WDR27: variants seen among roughly 807,000 people sequenced by gnomAD.
WDR27 encodes the protein WD repeat-containing protein 27.
A neutral mutation model predicts 114.4 loss-of-function variants in WDR27; 100 were observed. The observed-to-expected ratio is 0.87, with a 90% CI of 0.74 to 1.03. The LOEUF (loss-of-function observed/expected upper bound fraction) is 1.03. WDR27 is among the 50% of genes least tolerant of loss of function. WDR27 has a pLI of 0.00. For synonymous variants in WDR27, 449 were observed against 423.1 expected (o/e 1.06, Z -0.75); for missense variants, 1,129 against 1,092.9 (o/e 1.03, Z -0.47).
chr6:169,467,917 C>A (rs1271443583), intron 25 of WDR27, among the ~76,000 whole-genome samples: 7 of 152,202 alleles, frequency 4.6e-5, no homozygotes, highest in Non-Finnish European at 1.0e-4. Flanking sequence ...GTTCCAATTC[C>A]AAACCATATC....
chr6:169,623,583 T>A (rs1352706966), intron 21 of WDR27, among the ~76,000 whole-genome samples: 3 of 152,146 alleles, frequency 2.0e-5, no homozygotes, highest in Non-Finnish European at 4.4e-5. Context: ...CCCACTCACA[T>A]GCAGAGACAG....
chr6:169,629,832 C>T (rs1434655357), intron 21 of WDR27, among the ~76,000 whole-genome samples: 1 of 147,642 alleles, frequency 6.8e-6, no homozygotes, highest in African/African-American at 2.5e-5. Context: ...GAGGCTGAGG[C>T]AGGAGTATCG....
chr6:169,646,809 G>A (rs1007959394), intron 16 of WDR27, among the ~76,000 whole-genome samples: 8 of 151,814 alleles, frequency 5.3e-5, no homozygotes, highest in African/African-American at 1.9e-4. Flanking sequence ...TCAAACTTGA[G>A]GGCAGATAAC....
chr6:169,438,010 G>A, the WDR27 span, among the ~76,000 whole-genome samples: 1,345 of 152,182 alleles, frequency 8.8e-3, 12 homozygotes, highest in African/African-American at 0.03. Context: ...CCTGGGTAGT[G>A]AGCATAGTAC....
At chr6:169,699,420 G>C (rs1225418515) in intron 1 of WDR27, among the ~76,000 whole-genome samples, 1 of 152,166 alleles carries the variant, frequency 6.6e-6, no homozygotes, top group Non-Finnish European at 1.5e-5. Context: ...TTGAACAGTA[G>C]ACACAGGAAG....
chr6:169,612,279 C>T (rs989726832), intron 22 of WDR27, among the ~76,000 whole-genome samples: 2 of 151,742 alleles, frequency 1.3e-5, no homozygotes, highest in East Asian at 1.9e-4. Context: ...ATTAGCTGGG[C>T]GTGGTGGCGG....
At chr6:169,470,922 C>T (rs1291594162) in intron 25 of WDR27, among the ~76,000 whole-genome samples, 2 of 152,112 alleles carry the variant, frequency 1.3e-5, no homozygotes, top group Admixed American at 1.3e-4. Flanking sequence ...TAACCCTAAT[C>T]AGCCTCTGAA....
At chr6:169,642,329 GT>G (rs371154613) in intron 17 of WDR27, among the ~76,000 whole-genome samples, 4,325 of 150,766 alleles carry the variant, frequency 0.029, 151 homozygotes, top group African/African-American at 0.085. Context: ...AACAGAGCAA[GT>G]TTTTGTAAAG....
chr6:169,555,307 G>A (rs1326002694), intron 25 of WDR27, among the ~76,000 whole-genome samples: 1 of 152,074 alleles, frequency 6.6e-6, no homozygotes, highest in East Asian at 1.9e-4. Flanking sequence ...AAAAGAGCAA[G>A]TGGGAAAAAC....
the WDR27 span, among the ~76,000 whole-genome samples, chr6:169,442,548 C>A: frequency 3.9e-5 from 6 of 152,258 alleles, no homozygotes; most frequent in South Asian, 1.2e-3. Flanking sequence ...AATATTGTAT[C>A]ATGTTTTCAC....
At chr6:169,698,423 T>C (rs917242579) in intron 1 of WDR27, among the ~76,000 whole-genome samples, 1 of 151,976 alleles carries the variant, frequency 6.6e-6, no homozygotes, top group Non-Finnish European at 1.5e-5. Flanking sequence ...CACACACACA[T>C]ACACACACGT....
At chr6:169,443,725 C>A in the WDR27 span, among the ~76,000 whole-genome samples, 1 of 152,214 alleles carries the variant, frequency 6.6e-6, no homozygotes. Flanking sequence ...ATCGCTCAGC[C>A]ACCAAGGACA....
At chr6:169,514,754 G>C (rs61638001) in intron 25 of WDR27, among the ~76,000 whole-genome samples, 2,389 of 111,314 alleles carry the variant, frequency 0.021, 62 homozygotes, top group African/African-American at 0.11. Context: ...CAGAAAAAAA[G>C]AGAATATATA....
At position 169,650,732 on chromosome 6, in the gene WDR27, TCATCCCTC is replaced by T. The variant is rs1249241798; in HGVS notation, c.1481+1190_1481+1197del. ...ATCCACCCACCCACTCATCCATCTC[TCATCCCTC>T]CATCCCTCCATCCCCACCATCTATC... On this transcript the variant is annotated intron_variant, in intron 14 of 25. Transcript: ENST00000448612. Among the ~76,000 whole-genome samples, 15 of 143,494 alleles carry T rather than the reference TCATCCCTC, an allele frequency of 1.0e-4. No individual in the cohort carries two copies. The South Asian group carries it at 1.1e-3, about 11-fold the overall frequency. The allele number at this position is 143,494 out of a possible 152,430, so 94.1% of individuals were successfully genotyped here.
In WDR27 at chr6:169,602,263, T is replaced by C; in HGVS notation, c.2380A>G (p.Ser794Gly). ...TRGYPCGIAFSPCGRFAACGA... is the reference protein window; with the variant it reads ...TRGYPCGIAFGPCGRFAACGA... ...CAAGCCGCGAATCGTCCACAAGGAC[T>C]GAAAGCGATTCCACATGGATAGCCG... Residue 794 changes from serine (S) to glycine (G), a missense_variant, in exon 23 of 26, where the codon AGT becomes GGT. Ser to Gly is a moderately conservative substitution (Grantham distance 56). Transcript: ENST00000448612. The C allele has an allele frequency of 6.4e-7, 1 of 1,566,564 alleles. No individual in the cohort carries two copies. Among genetic ancestry groups the C allele is most frequent in the Non-Finnish European group, 8.7e-7 (1 of 1,154,444 alleles).
intron 21 of WDR27, among the ~76,000 whole-genome samples, chr6:169,621,586 G>A (rs1277345368): frequency 4.0e-5 from 5 of 123,902 alleles, no homozygotes; most frequent in Admixed American, 8.1e-5. Flanking sequence ...ACACATGCAC[G>A]CACGCATATA....
intron 22 of WDR27, among the ~76,000 whole-genome samples, chr6:169,609,008 C>G (rs1273512996): frequency 6.6e-6 from 1 of 152,224 alleles, no homozygotes; most frequent in Non-Finnish European, 1.5e-5. Context: ...GTGCGGCAGT[C>G]AAATCTTAAA....
chr6:169,576,291 C>T (rs916123180), intron 24 of WDR27, among the ~76,000 whole-genome samples: 3 of 152,222 alleles, frequency 2.0e-5, no homozygotes, highest in Non-Finnish European at 2.9e-5. Flanking sequence ...CAGCCTCCAC[C>T]TTGCCCCATG....
the WDR27 span, among the ~76,000 whole-genome samples, chr6:169,430,616 C>T: frequency 6.6e-6 from 1 of 152,196 alleles, no homozygotes; most frequent in Non-Finnish European, 1.5e-5. Flanking sequence ...AAAACAGGAA[C>T]ATCATAACTT....
Sources: allele counts gnomAD v4.1 joint callset (sites outside exome capture counted in the v4.1 genomes callset), GRCh38; gene constraint gnomAD v4.1.1; transcripts MANE v1.5; gene names NCBI Gene and HGNC (gene_info 2026-07-23, HGNC 2026-07-21).